The following ADAM32 variants were observed in gnomAD, a reference collection of about 807,000 sequenced individuals.
ADAM32 encodes ADAM metallopeptidase domain 32.
A neutral mutation model predicts 114.9 loss-of-function variants in ADAM32; 89 were observed. That is an observed-to-expected ratio of 0.77 (90% confidence interval 0.65 to 0.92). The LOEUF (loss-of-function observed/expected upper bound fraction) is 0.92. Ranked by LOEUF, ADAM32 falls within the 40% of genes least tolerant of loss-of-function variation. ADAM32 has a pLI of 0.00. For synonymous variants in ADAM32, 285 were observed against 307.5 expected, an observed-to-expected ratio of 0.93 and a Z score of 0.77; for missense variants, 870 against 932.8, an observed-to-expected ratio of 0.93 and a Z score of 0.88.
At chr8:39,173,729 TC>T (rs1263609846) in intron 10 of ADAM32, among the ~76,000 whole-genome samples, 3 of 152,232 alleles carry the variant, frequency 2.0e-5, no homozygotes, top group African/African-American at 7.2e-5. Flanking sequence ...TGTCATGAAA[TC>T]TTTTCCCATG....
At chr8:39,142,676 G>T (rs2129445234) in intron 3 of ADAM32, among the ~76,000 whole-genome samples, 1 of 152,196 alleles carries the variant, frequency 6.6e-6, no homozygotes, top group Middle Eastern at 3.4e-3. Flanking sequence ...TGACAATTAT[G>T]TGTCTTGGGG....
chr8:39,182,735 C>CA (rs1354620511), intron 10 of ADAM32, among the ~76,000 whole-genome samples: 2 of 152,198 alleles, frequency 1.3e-5, no homozygotes, highest in Non-Finnish European at 2.9e-5. Flanking sequence ...GGGTACACTG[C>CA]AGGAGCTTTA....
intron 11 of ADAM32, among the ~76,000 whole-genome samples, chr8:39,198,739 A>AT (rs11352281): frequency 2.0e-5 from 3 of 151,116 alleles, no homozygotes; most frequent in East Asian, 3.9e-4. Flanking sequence ...AGCGTTTAAC[A>AT]TTTTTTTTTT....
intron 12 of ADAM32, among the ~76,000 whole-genome samples, chr8:39,216,401 C>T (rs901450331): frequency 1.3e-5 from 2 of 151,864 alleles, no homozygotes; most frequent in Non-Finnish European, 2.9e-5. Context: ...ATTTACATTC[C>T]ATGTTATTAT....
rs913630213 is a variant in ADAM32 at position 39,270,994 on chromosome 8, T to G, written c.2201+80T>G. The G allele has an allele frequency of 5.8e-6, 8 of 1,382,712 alleles. No individual in the cohort carries two copies. In the Admixed American group the frequency reaches 1.5e-4, roughly 26 times the overall value. The allele number at this position is 1,382,712 out of a possible 1,614,324, so 85.7% of individuals were successfully genotyped here. On this transcript the variant is annotated intron_variant, in intron 20 of 24. Transcript: ENST00000379907. ...GATAATTCACAATTTATTTCCAATT[T>G]TTTTTTGAACATCAATTGGTAAAGC...
At chr8:39,158,016 G>T (rs1162035684) in intron 6 of ADAM32, 2 of 272,804 alleles carry the variant, frequency 7.3e-6, no homozygotes, top group Admixed American at 4.3e-5. Flanking sequence ...GCAGCTTCTT[G>T]GTATGCCAAT....
chr8:39,162,003 TATA>T (rs1564510879), intron 7 of ADAM32, among the ~76,000 whole-genome samples: 14 of 660 alleles, frequency 0.021, no homozygotes, highest in African/African-American at 0.025. Context: ...TTTTATTTTA[TATA>T]TATATATATA....
intron 6 of ADAM32, among the ~76,000 whole-genome samples, chr8:39,156,034 T>C (rs1308099536): frequency 2.0e-5 from 3 of 152,208 alleles, no homozygotes; most frequent in African/African-American, 7.2e-5. Context: ...GATAATACAA[T>C]GTACAAGCTA....
intron 11 of ADAM32, among the ~76,000 whole-genome samples, chr8:39,209,647 T>A (rs1159573316): frequency 6.6e-6 from 1 of 152,226 alleles, no homozygotes; most frequent in Non-Finnish European, 1.5e-5. Context: ...GAGTACTGAC[T>A]GATGAGTTAA....
intron 24 of ADAM32, among the ~76,000 whole-genome samples, chr8:39,284,527 C>T (rs1344304048): frequency 6.6e-6 from 1 of 151,726 alleles, no homozygotes; most frequent in African/African-American, 2.4e-5. Flanking sequence ...ATAAACATTT[C>T]ATTTTATATG....
At chr8:39,201,035 T>C (rs576666263) in intron 11 of ADAM32, among the ~76,000 whole-genome samples, 1 of 152,308 alleles carries the variant, frequency 6.6e-6, no homozygotes, top group South Asian at 2.1e-4. Flanking sequence ...AGCCTTGTAA[T>C]ATAGTTTGAA....
chr8:39,176,657 A>T (rs956293596), intron 10 of ADAM32, among the ~76,000 whole-genome samples: 1 of 152,104 alleles, frequency 6.6e-6, no homozygotes, highest in African/African-American at 2.4e-5. Flanking sequence ...AAGAATGTAT[A>T]TTCTCTTGAT....
intron 10 of ADAM32, among the ~76,000 whole-genome samples, chr8:39,183,891 C>T (rs566589592): frequency 2.6e-5 from 4 of 152,330 alleles, no homozygotes; most frequent in East Asian, 1.9e-4. Flanking sequence ...GCAGGAATGT[C>T]GTGCTTCAGA....
rs1451062773 is a variant in ADAM32 at position 39,224,612 on chromosome 8, C to A, written c.1525+1374C>A. ...TTTTGATTGGGCTTTTTTTTTGCTA[C>A]TGAGTTTTATGAGTTACTGATATAT... On this transcript the variant is annotated intron_variant, in intron 14 of 24. Coordinates refer to ENST00000379907, the MANE Select transcript of ADAM32 (RefSeq NM_145004.7). 5.9e-5 allele frequency among the ~76,000 whole-genome samples: 9 copies of A among 151,436 alleles called. No individual in the cohort carries two copies. The East Asian group carries it at 1.7e-3, about 29-fold the overall frequency.
At chr8:39,243,755 A>G (rs1213202194) in intron 16 of ADAM32, among the ~76,000 whole-genome samples, 1 of 152,160 alleles carries the variant, frequency 6.6e-6, no homozygotes, top group East Asian at 1.9e-4. Flanking sequence ...CTTCTATTCA[A>G]CATAGTACTG....
At chr8:39,213,502 A>G (rs542873326) in intron 12 of ADAM32, among the ~76,000 whole-genome samples, 5 of 152,170 alleles carry the variant, frequency 3.3e-5, no homozygotes, top group Non-Finnish European at 7.4e-5. Flanking sequence ...AAAAATTTCT[A>G]ATTTTTGTGG....
intron 11 of ADAM32, among the ~76,000 whole-genome samples, chr8:39,199,107 G>A (rs544127568): frequency 6.6e-6 from 1 of 152,230 alleles, no homozygotes; most frequent in South Asian, 2.1e-4. Context: ...CTTTATACAT[G>A]ACTTGACATT....
chr8:39,277,477 T>C (rs1813144689), intron 22 of ADAM32, among the ~76,000 whole-genome samples: 1 of 152,192 alleles, frequency 6.6e-6, no homozygotes, highest in Admixed American at 6.5e-5. Context: ...AGCAGAGAGA[T>C]GGAATGAATT....
chr8:39,266,216 G>A (rs1376550605), intron 19 of ADAM32, among the ~76,000 whole-genome samples: 1 of 152,174 alleles, frequency 6.6e-6, no homozygotes, highest in Non-Finnish European at 1.5e-5. Context: ...CATCTCTAGT[G>A]AGGTTGGGAA....
Sources: gnomAD v4.1 joint callset for allele counts (sites outside exome capture counted in the v4.1 genomes callset) on GRCh38, gnomAD v4.1.1 for gene constraint, MANE v1.5 for transcripts, NCBI Gene and HGNC (gene_info 2026-07-23, HGNC 2026-07-21) for gene names.